Variants in KIAA1549L observed in about 807,000 individuals in gnomAD.
KIAA1549L encodes KIAA1549 like, also known as UPF0606 protein KIAA1549L.
In KIAA1549L, 88 loss-of-function variants were observed where a neutral mutation model predicts 160.7. The observed-to-expected ratio is 0.55, with a 90% CI of 0.46 to 0.65. KIAA1549L has a LOEUF of 0.65. Among genes scored for constraint, KIAA1549L ranks in the 30% least tolerant of loss-of-function variants. KIAA1549L has a pLI of 0.00. For missense variants in KIAA1549L, 2,258 were observed against 2,437.5 expected, an observed-to-expected ratio of 0.93 and a Z score of 1.55; for synonymous variants, 950 against 976.7, an observed-to-expected ratio of 0.97 and a Z score of 0.51.
intron 1 of KIAA1549L, among the ~76,000 whole-genome samples, chr11:33,520,392 T>C (rs1047724480): frequency 6.6e-6 from 1 of 152,120 alleles, no homozygotes; most frequent in Non-Finnish European, 1.5e-5. Flanking sequence ...ATATTTGTCT[T>C]TCTGTGTCTG....
At chr11:33,381,344 G>A (rs917070659) in intron 1 of KIAA1549L, among the ~76,000 whole-genome samples, 1 of 152,180 alleles carries the variant, frequency 6.6e-6, no homozygotes, top group Non-Finnish European at 1.5e-5. Context: ...GGTGAGAGGA[G>A]GCCTTTCTGA....
At position 33,574,889 on chromosome 11, in the gene KIAA1549L, T is replaced by C. The variant is rs1855394886; in HGVS notation, c.4402+16T>C. 1 of 1,604,028 alleles carries C rather than the reference T, an allele frequency of 6.2e-7. No individual in the cohort carries two copies. The highest frequency in any genetic ancestry group is 1.3e-5 in the African/African-American group (1 of 74,560). On this transcript the variant is annotated intron_variant, in intron 10 of 20. Coordinates refer to ENST00000658780, the MANE Select transcript of KIAA1549L (RefSeq NM_012194.3). ...CAAGCTGACCGTAAGGGAATGGTCT[T>C]TTTATTCAGTCTTTTTAATGCCATT...
At chr11:33,601,259 C>T (rs1008907123) in intron 13 of KIAA1549L, among the ~76,000 whole-genome samples, 1 of 152,056 alleles carries the variant, frequency 6.6e-6, no homozygotes, top group Non-Finnish European at 1.5e-5. Context: ...GTTTCTATTC[C>T]GTAAGGTTTT....
rs1428414635 is a variant in KIAA1549L, at chr11:33,583,502, G to A, written c.4566+1G>A. 1 of 1,569,878 alleles carries A rather than the reference G, an allele frequency of 6.4e-7. No individual in the cohort carries two copies. The highest frequency in any genetic ancestry group is 8.6e-7 in the Non-Finnish European group (1 of 1,157,326). ...GATAAACCTGCCGCAGAGAGCAAAG[G>A]TATATGGAAGTGGTGGGGAGAGGGG... On this transcript the variant is annotated splice_donor_variant, in intron 11 of 20. Coordinates refer to ENST00000658780, the MANE Select transcript of KIAA1549L (RefSeq NM_012194.3). LOFTEE classifies it high-confidence loss of function.
intron 10 of KIAA1549L, among the ~76,000 whole-genome samples, chr11:33,580,549 G>C (rs1855599565): frequency 7.1e-6 from 1 of 140,694 alleles, no homozygotes; most frequent in African/African-American, 2.7e-5. Context: ...TCCAGGCTGG[G>C]GGACACAGTG....
chr11:33,571,780 A>G (rs1339303717), intron 9 of KIAA1549L, among the ~76,000 whole-genome samples: 4 of 152,046 alleles, frequency 2.6e-5, no homozygotes, highest in Non-Finnish European at 4.4e-5. Context: ...TTTGGAGAGG[A>G]CATGTATTCA....
chr11:33,425,480 C>G (rs1029331594), intron 1 of KIAA1549L, among the ~76,000 whole-genome samples: 2 of 152,150 alleles, frequency 1.3e-5, no homozygotes, highest in African/African-American at 4.8e-5. Flanking sequence ...ATTGGAGAAG[C>G]CCTGGGCTCA....
chr11:33,436,972 G>A lies in KIAA1549L; in HGVS notation c.238+60083G>A, dbSNP rs73493311. Among the ~76,000 whole-genome samples, 1,376 of 152,234 alleles carry A rather than the reference G, an allele frequency of 9.0e-3. 21 individuals carry two copies. The highest frequency in any genetic ancestry group is 0.03 in the African/African-American group (1,255 of 41,526). On this transcript the variant is annotated intron_variant, in intron 1 of 20. Transcript: ENST00000658780. Reference sequence around the variant, plus strand: ...CAACGTGGGGTGTTCTCTGTATAATGGACATTGTGTTTGTGAAAGGAAAAA... The same window carrying A: ...CAACGTGGGGTGTTCTCTGTATAATAGACATTGTGTTTGTGAAAGGAAAAA...
At chr11:33,468,413 T>A (rs1852106455) in intron 1 of KIAA1549L, among the ~76,000 whole-genome samples, 1 of 152,204 alleles carries the variant, frequency 6.6e-6, no homozygotes, top group Non-Finnish European at 1.5e-5. Context: ...TACAGAGAAA[T>A]ACTAAGTCCT....
chr11:33,465,236 G>T (rs1852030721), intron 1 of KIAA1549L, among the ~76,000 whole-genome samples: 1 of 151,780 alleles, frequency 6.6e-6, no homozygotes, highest in Non-Finnish European at 1.5e-5. Flanking sequence ...TGTATTTTTA[G>T]TGGAGACGGG....
At chr11:33,603,111 G>A (rs1252882435) in intron 13 of KIAA1549L, among the ~76,000 whole-genome samples, 1 of 152,034 alleles carries the variant, frequency 6.6e-6, no homozygotes, top group Non-Finnish European at 1.5e-5. Context: ...TGTTCTGCAG[G>A]TACTAACAGC....
chr11:33,570,426 A>G (rs1855212861), intron 9 of KIAA1549L, among the ~76,000 whole-genome samples: 1 of 137,582 alleles, frequency 7.3e-6, no homozygotes, highest in African/African-American at 2.7e-5. Context: ...ATCACCTTGT[A>G]ACATACCCTT....
chr11:33,396,899 G>A (rs941686769), intron 1 of KIAA1549L, among the ~76,000 whole-genome samples: 6 of 150,732 alleles, frequency 4.0e-5, no homozygotes, highest in South Asian at 2.1e-4. Flanking sequence ...GCAGTGAGCC[G>A]AGGTTGCGCC....
intron 1 of KIAA1549L, chr11:33,450,582 C>CA (rs201656420): frequency 1.9e-3 from 223 of 120,334 alleles, no homozygotes; most frequent in South Asian, 7.3e-3. Context: ...ACAACAACAA[C>CA]AACAACAAAA....
intron 1 of KIAA1549L, among the ~76,000 whole-genome samples, chr11:33,468,239 A>G (rs917680058): frequency 6.6e-6 from 1 of 152,224 alleles, no homozygotes; most frequent in Non-Finnish European, 1.5e-5. Context: ...GGGAAGTTTC[A>G]CAAGGGTATA....
intron 1 of KIAA1549L, among the ~76,000 whole-genome samples, chr11:33,464,798 C>T (rs1179073636): frequency 1.3e-5 from 2 of 152,086 alleles, no homozygotes; most frequent in Non-Finnish European, 2.9e-5. Flanking sequence ...CTAGCTCTTT[C>T]TTGATCACCC....
At chr11:33,625,182 A>G (rs934197172) in intron 16 of KIAA1549L, among the ~76,000 whole-genome samples, 8 of 151,520 alleles carry the variant, frequency 5.3e-5, no homozygotes, top group Non-Finnish European at 1.0e-4. Context: ...GGTTGGTTCC[A>G]AGTCTTTGCT....
rs182064706 is a variant in KIAA1549L, at chr11:33,384,086, A to G, written c.238+7197A>G. ...CACCACCACAATCCAGATACAGAAC[A>G]TTTCTGTCACCTCAAAAAGTTCCCT... is the stretch of plus-strand genomic sequence containing the variant. On this transcript the variant is annotated intron_variant, in intron 1 of 20. Coordinates refer to ENST00000658780, the MANE Select transcript of KIAA1549L (RefSeq NM_012194.3). Among the ~76,000 whole-genome samples the G allele has an allele frequency of 1.1e-3, 173 of 152,250 alleles. 1 individual carries two copies. The highest frequency in any genetic ancestry group is 3.9e-3 in the African/African-American group (161 of 41,546).
intron 7 of KIAA1549L, among the ~76,000 whole-genome samples, chr11:33,561,332 A>G (rs1854853143): frequency 6.6e-6 from 1 of 152,244 alleles, no homozygotes; most frequent in Admixed American, 6.5e-5. Flanking sequence ...AAAACTCTTC[A>G]TCTACAAGTT....
Sources: gnomAD v4.1 joint callset for allele counts (sites outside exome capture counted in the v4.1 genomes callset) on GRCh38, gnomAD v4.1.1 for gene constraint, MANE v1.5 for transcripts, NCBI Gene and HGNC (gene_info 2026-07-23, HGNC 2026-07-21) for gene names.